Variants in LAMC1 observed in about 807,000 individuals in gnomAD.
LAMC1 encodes laminin subunit gamma-1.
In LAMC1, 38 loss-of-function variants were observed where a neutral mutation model predicts 173.6. That is an observed-to-expected ratio of 0.22 (90% CI 0.17 to 0.29). The LOEUF (loss-of-function observed/expected upper bound fraction) is 0.29. LAMC1 is among the 10% of genes least tolerant of loss of function. The probability of loss-of-function intolerance (pLI) is 1.00; values close to 1 mark genes in which losing one functional copy is unlikely to be tolerated. For synonymous variants in LAMC1, 746 were observed against 749.1 expected, an observed-to-expected ratio of 1.00 and a Z score of 0.07; for missense variants, 1,824 against 2,051.8, an observed-to-expected ratio of 0.89 and a Z score of 2.14.
intron 1 of LAMC1, among the ~76,000 whole-genome samples, chr1:183,031,978 A>G (rs1389479058): frequency 6.6e-6 from 1 of 152,198 alleles, no homozygotes; most frequent in Non-Finnish European, 1.5e-5. Flanking sequence ...GGAATTTGCA[A>G]GCATCTCCTT....
intron 1 of LAMC1, among the ~76,000 whole-genome samples, chr1:183,058,499 T>C (rs1207707583): frequency 6.6e-6 from 1 of 152,196 alleles, no homozygotes; most frequent in African/African-American, 2.4e-5. Context: ...CTCACTGAAA[T>C]GAAGAATGAT....
intron 1 of LAMC1, among the ~76,000 whole-genome samples, chr1:183,091,683 A>G (rs4652774): frequency 0.027 from 4,142 of 152,342 alleles, 82 homozygotes; most frequent in Non-Finnish European, 0.043. Context: ...TACCCGACAC[A>G]GACTGGGATT....
At position 183,068,798 on chromosome 1, in the gene LAMC1, C is replaced by T. The variant is rs192383196; in HGVS notation, c.419-34530C>T. On this transcript the variant is annotated intron_variant, in intron 1 of 27. Transcript: ENST00000258341. ...GCTACTAAAAACACAAAAAATTAGCCGGGCATGGTGGCGGGCGCCTGTAGT... is the reference window on the plus strand; with the variant it reads ...GCTACTAAAAACACAAAAAATTAGCTGGGCATGGTGGCGGGCGCCTGTAGT... Among the ~76,000 whole-genome samples, 106 of 152,102 alleles carry T rather than the reference C, an allele frequency of 7.0e-4. 1 individual carries two copies. In the East Asian group the frequency reaches 0.013, roughly 19 times the overall value.
intron 10 of LAMC1, 40 bp downstream of exon 10, chr1:183,117,763 T>C: frequency 6.5e-7 from 1 of 1,539,774 alleles, no homozygotes; most frequent in Non-Finnish European, 8.9e-7. Flanking sequence ...TTGACGAACA[T>C]TGTGAAAGTG....
intron 1 of LAMC1, among the ~76,000 whole-genome samples, chr1:183,035,351 G>T (rs1056679315): frequency 2.0e-5 from 3 of 152,264 alleles, no homozygotes; most frequent in East Asian, 1.9e-4. Context: ...ACCATGCCTA[G>T]CTAATTTAAT....
In LAMC1 at chr1:183,117,690, A is replaced by G; in HGVS notation, c.1844A>G (p.Tyr615Cys). The G allele has an allele frequency of 1.2e-6, 2 of 1,614,212 alleles. No individual in the cohort carries two copies. The highest frequency in any genetic ancestry group is 1.7e-6 in the Non-Finnish European group (2 of 1,180,022). Reference protein sequence around the residue: ...SVPLIAQGNSYPSETTVKYVF... With the variant: ...SVPLIAQGNSCPSETTVKYVF... ...CCCTTGATCGCTCAGGGCAATTCCT[A>G]TCCAAGTGAGACCACTGTGAAGTAT... The change falls in exon 10 of 28, where the codon TAT becomes TGT. Residue 615 changes from tyrosine (Y) to cysteine (C), a missense_variant. By Grantham distance (194) the Tyr-to-Cys change is radical. Coordinates refer to ENST00000258341, the MANE Select transcript of LAMC1 (RefSeq NM_002293.4).
chr1:183,076,150 T>G (rs1198160701), intron 1 of LAMC1, among the ~76,000 whole-genome samples: 1 of 152,190 alleles, frequency 6.6e-6, no homozygotes, highest in Non-Finnish European at 1.5e-5. Flanking sequence ...TTTTTTTTCT[T>G]TAGCAATTCC....
intron 27 of LAMC1, among the ~76,000 whole-genome samples, chr1:183,142,228 C>T (rs759848065): frequency 7.2e-5 from 11 of 152,176 alleles, no homozygotes; most frequent in Non-Finnish European, 1.5e-4. Context: ...AGATGGCCCT[C>T]AAAGGTCTAG....
rs775588493 is a variant in LAMC1, at chr1:183,128,730, G to A, written c.3260G>A (p.Arg1087His). 1.5e-5 allele frequency: 24 copies of A among 1,613,002 alleles called. No individual in the cohort carries two copies. Among genetic ancestry groups the A allele is most frequent in the East Asian group, 1.3e-4 (6 of 44,856 alleles). ...EAEREVMDLL[R>H]EAQDVKDVDQ... is the part of the protein sequence containing the mutation. Reference sequence around the variant, plus strand: ...GAGAGGGAAGTTATGGACCTCCTTCGTGAGGCCCAGGATGTCAAAGGTACG... The same window carrying A: ...GAGAGGGAAGTTATGGACCTCCTTCATGAGGCCCAGGATGTCAAAGGTACG... Residue 1087 changes from arginine to histidine, a missense_variant, in exon 18 of 28, where the codon CGT becomes CAT. Coordinates refer to ENST00000258341, the MANE Select transcript of LAMC1 (RefSeq NM_002293.4).
chr1:183,074,670 T>G (rs981273423), intron 1 of LAMC1, among the ~76,000 whole-genome samples: 5 of 152,250 alleles, frequency 3.3e-5, no homozygotes, highest in Non-Finnish European at 7.3e-5. Flanking sequence ...CTTTATTCTA[T>G]TATGGGAGAT....
At chr1:183,088,733 A>G (rs1468152229) in intron 1 of LAMC1, among the ~76,000 whole-genome samples, 4 of 152,226 alleles carry the variant, frequency 2.6e-5, no homozygotes, top group Non-Finnish European at 5.9e-5. Flanking sequence ...TACAAGTTGA[A>G]AGTGGCATGG....
In LAMC1 at chr1:183,125,559, T is replaced by C; in HGVS notation, c.2801+9T>C. On this transcript the variant is annotated intron_variant, in intron 15 of 27. Coordinates refer to ENST00000258341, the MANE Select transcript of LAMC1 (RefSeq NM_002293.4). ...GGGCAAGGCTGTGAGAGGTGAGACATAGGTGCCTTTGGTGAAAGTAATCTT... is the reference window on the plus strand; with the variant it reads ...GGGCAAGGCTGTGAGAGGTGAGACACAGGTGCCTTTGGTGAAAGTAATCTT... 1 of 1,541,748 alleles carries C rather than the reference T, an allele frequency of 6.5e-7. No homozygotes were observed. The highest frequency in any genetic ancestry group is 8.7e-7 in the Non-Finnish European group (1 of 1,145,506).
At chr1:183,110,786 T>G (rs1656126625) in intron 4 of LAMC1, 132 bp downstream of exon 4, 2 of 928,520 alleles carry the variant, frequency 2.2e-6, no homozygotes, top group Non-Finnish European at 3.3e-6. Context: ...GTAATTTGAG[T>G]AGTATTCAAG....
chr1:183,036,506 G>T (rs10911204), intron 1 of LAMC1, among the ~76,000 whole-genome samples: 2 of 146,454 alleles, frequency 1.4e-5, no homozygotes, highest in African/African-American at 2.5e-5. Context: ...GGGTTCAAGC[G>T]ATTCTCCTGC....
intron 1 of LAMC1, among the ~76,000 whole-genome samples, 189 bp from the exon 2 acceptor site, chr1:183,103,139 G>A (rs1655876618): frequency 6.6e-6 from 1 of 152,064 alleles, no homozygotes. Context: ...GCCAACTTAT[G>A]GACCCAACTG....
At chr1:183,025,229 A>G (rs566084879) in intron 1 of LAMC1, among the ~76,000 whole-genome samples, 115 of 152,294 alleles carry the variant, frequency 7.6e-4, no homozygotes, top group Non-Finnish European at 1.3e-3. Flanking sequence ...GGGTGTTGGA[A>G]AGGAACATGT....
rs781775455 is a variant in LAMC1, at chr1:183,128,475, A to ATT, written c.3124-119_3124-118insTT. The ATT allele has an allele frequency of 0.046, 20,244 of 440,858 alleles. 1,438 individuals carry two copies. Among genetic ancestry groups the ATT allele is most frequent in the Admixed American group, 0.15 (3,260 of 21,172 alleles). The allele number at this position is 440,858 out of a possible 1,614,324, so 27.3% of individuals were successfully genotyped here. ...ACTTAAAGTATAATAATAATTAAAA[A>ATT]AAAAAAAAAAGAACTACATATTCAT... On this transcript the variant is annotated intron_variant, in intron 17 of 27. Transcript: ENST00000258341.
chr1:183,059,215 GA>G (rs1234348202), intron 1 of LAMC1, among the ~76,000 whole-genome samples: 11 of 152,348 alleles, frequency 7.2e-5, no homozygotes, highest in Non-Finnish European at 1.6e-4. Flanking sequence ...AGATAAGGGA[GA>G]AGCTTCATTG....
At chr1:183,127,896 A>C (rs2102098634) in intron 17 of LAMC1, among the ~76,000 whole-genome samples, 1 of 152,302 alleles carries the variant, frequency 6.6e-6, no homozygotes, top group East Asian at 1.9e-4. Context: ...AAATCCAATA[A>C]GAATGCATTG....
Sources: allele counts gnomAD v4.1 joint callset (sites outside exome capture counted in the v4.1 genomes callset), GRCh38; gene constraint gnomAD v4.1.1; transcripts MANE v1.5; gene names NCBI Gene and HGNC (gene_info 2026-07-23, HGNC 2026-07-21).